HYAL4: variants seen among roughly 807,000 people sequenced by gnomAD.
The protein encoded by HYAL4 is hyaluronidase 4.
In HYAL4, 37 loss-of-function variants were observed where a neutral mutation model predicts 35.2. The observed-to-expected ratio is 1.05, with a 90% CI of 0.81 to 1.38. The LOEUF (loss-of-function observed/expected upper bound fraction) is 1.38, where lower values mean the gene tolerates loss of function less well. Among genes scored for constraint, HYAL4 ranks in the 40% most tolerant of loss-of-function variants. The probability of loss-of-function intolerance (pLI) is 0.00; values close to 1 mark genes in which losing one functional copy is unlikely to be tolerated. For missense variants in HYAL4, 572 were observed against 572.4 expected (o/e 1.00, Z 0.01); for synonymous variants, 198 against 203.2 (o/e 0.97, Z 0.22).
At chr7:123,768,433 A>G in the HYAL4 span, among the ~76,000 whole-genome samples, 1 of 152,222 alleles carries the variant, frequency 6.6e-6, no homozygotes, top group Non-Finnish European at 1.5e-5. Flanking sequence ...GCACTCCTGA[A>G]AAGTGAAACT....
At chr7:123,807,090 C>A in the HYAL4 span, among the ~76,000 whole-genome samples, 1 of 152,114 alleles carries the variant, frequency 6.6e-6, no homozygotes, top group Non-Finnish European at 1.5e-5. Flanking sequence ...AGCAATTTCC[C>A]TGCTTATTTC....
chr7:123,808,735 A>T, the HYAL4 span, among the ~76,000 whole-genome samples: 5 of 152,266 alleles, frequency 3.3e-5, no homozygotes, highest in Admixed American at 2.0e-4. Flanking sequence ...TAAACAACAG[A>T]AATTTATTTC....
chr7:123,857,215 A>G (rs1806458043), intron 2 of HYAL4, among the ~76,000 whole-genome samples: 1 of 152,134 alleles, frequency 6.6e-6, no homozygotes, highest in Non-Finnish European at 1.5e-5. Flanking sequence ...TTGGTGTTCC[A>G]GGTGCCACTG....
At chr7:123,843,583 G>A (rs192734148), upstream of HYAL4, among the ~76,000 whole-genome samples, 1,214 of 152,012 alleles carry the variant, frequency 8.0e-3, 17 homozygotes, top group Middle Eastern at 0.014. Context: ...ATAATATCCC[G>A]AAGACTGTTT....
chr7:123,826,782 G>A (rs1256983459), upstream of HYAL4, among the ~76,000 whole-genome samples: 3 of 152,044 alleles, frequency 2.0e-5, no homozygotes, highest in Admixed American at 1.3e-4. Context: ...TCATCCAGGC[G>A]AGAGCTAGTA....
At chr7:123,832,180 A>C (rs1328211682) in intron 1 of HYAL4, among the ~76,000 whole-genome samples, 1 of 152,080 alleles carries the variant, frequency 6.6e-6, no homozygotes, top group Non-Finnish European at 1.5e-5. Flanking sequence ...CCTTGATGTG[A>C]TAATTTGTCC....
At chr7:123,849,021 T>A (rs1806237216) in intron 2 of HYAL4, among the ~76,000 whole-genome samples, 1 of 152,182 alleles carries the variant, frequency 6.6e-6, no homozygotes, top group Non-Finnish European at 1.5e-5. Context: ...TGGATAGATT[T>A]AGATTTTCCA....
At chr7:123,768,954 A>G in the HYAL4 span, among the ~76,000 whole-genome samples, 18 of 152,326 alleles carry the variant, frequency 1.2e-4, no homozygotes, top group African/African-American at 2.2e-4. Context: ...TTCTGTTTTC[A>G]GAGACCCATG....
At chr7:123,781,977 G>A in the HYAL4 span, among the ~76,000 whole-genome samples, 2 of 152,024 alleles carry the variant, frequency 1.3e-5, no homozygotes, top group African/African-American at 4.8e-5. Context: ...CAAGTTCCTG[G>A]CTCACTGCAG....
At position 123,869,032 on chromosome 7, in the gene HYAL4, C is replaced by T. The variant is rs149771586; in HGVS notation, c.759C>T (p.Asn253=). ...LRNNELSWLW[N]SSAALYPSIG... Reference sequence around the variant, plus strand: ...ACAATGAGCTCTCTTGGCTCTGGAACAGCAGTGCTGCTTTATATCCTTCTA... The same window carrying T: ...ACAATGAGCTCTCTTGGCTCTGGAATAGCAGTGCTGCTTTATATCCTTCTA... Residue 253 remains asparagine (N), a synonymous_variant, in exon 3 of 5, where the codon AAC becomes AAT. Coordinates refer to ENST00000223026, the MANE Select transcript of HYAL4 (RefSeq NM_012269.3). The T allele has an allele frequency of 1.0e-4, 161 of 1,614,074 alleles. No individual in the cohort carries two copies. The highest frequency in any genetic ancestry group is 2.2e-5 in the South Asian group (2 of 91,086).
chr7:123,787,619 C>T, the HYAL4 span, among the ~76,000 whole-genome samples: 1 of 152,166 alleles, frequency 6.6e-6, no homozygotes, highest in Non-Finnish European at 1.5e-5. Flanking sequence ...CTTAGGAAAT[C>T]CTCTCTATGG....
In HYAL4 at chr7:123,845,249, C is replaced by T. The variant is rs1348373468; in HGVS notation, c.-558C>T. On this transcript the variant is annotated 5_prime_UTR_variant, in exon 1 of 5. Coordinates refer to ENST00000223026, the MANE Select transcript of HYAL4 (RefSeq NM_012269.3). ...TTTGAGATGAAGTCTTACTCTGTTG[C>T]CCAGGCTAGAGTGTAGTGGTGTGAT... The T allele has an allele frequency of 7.8e-6, 1 of 128,750 alleles. No individual in the cohort carries two copies. Among genetic ancestry groups the T allele is most frequent in the African/African-American group, 3.1e-5 (1 of 32,582 alleles). 8.0% of individuals were successfully genotyped at this position (128,750 alleles called of 1,614,324 possible). A position where few individuals can be genotyped will look rare whatever the true frequency, so the allele number is the denominator to read the frequency against.
At chr7:123,771,964 T>A in the HYAL4 span, among the ~76,000 whole-genome samples, 4 of 152,096 alleles carry the variant, frequency 2.6e-5, no homozygotes, top group African/African-American at 9.7e-5. Context: ...CACTTTTGCT[T>A]CCTGCCTGTC....
At chr7:123,814,931 A>C in the HYAL4 span, 2 of 152,614 alleles carry the variant, frequency 1.3e-5, no homozygotes, top group African/African-American at 4.8e-5. Context: ...CGAGTTAGAG[A>C]AGCCATGAGG....
chr7:123,853,907 T>C (rs1467209234), intron 2 of HYAL4, among the ~76,000 whole-genome samples: 2 of 152,252 alleles, frequency 1.3e-5, no homozygotes, highest in Non-Finnish European at 1.5e-5. Context: ...ATTTCAGAAC[T>C]TGTTATTAGT....
chr7:123,787,134 G>GA, the HYAL4 span, among the ~76,000 whole-genome samples: 3 of 136,482 alleles, frequency 2.2e-5, no homozygotes, highest in South Asian at 2.4e-4. Context: ...AAAAGAAAAA[G>GA]AAAAAAAAAG....
At chr7:123,804,987 G>T in the HYAL4 span, among the ~76,000 whole-genome samples, 1 of 152,146 alleles carries the variant, frequency 6.6e-6, no homozygotes, top group African/African-American at 2.4e-5. Context: ...TCTCAGAGAT[G>T]AGCCCTTCCT....
At chr7:123,800,497 TA>T in the HYAL4 span, among the ~76,000 whole-genome samples, 4 of 148,326 alleles carry the variant, frequency 2.7e-5, no homozygotes, top group African/African-American at 7.5e-5. Flanking sequence ...AAAAAAAAAT[TA>T]AAAAAAAAGA....
the HYAL4 span, among the ~76,000 whole-genome samples, chr7:123,809,911 A>G: frequency 6.6e-6 from 1 of 152,194 alleles, no homozygotes; most frequent in African/African-American, 2.4e-5. Context: ...CCATCAGATC[A>G]AACTGAAGAG....
Sources: gnomAD v4.1 joint callset for allele counts (sites outside exome capture counted in the v4.1 genomes callset) on GRCh38, gnomAD v4.1.1 for gene constraint, MANE v1.5 for transcripts, NCBI Gene and HGNC (gene_info 2026-07-23, HGNC 2026-07-21) for gene names.